The following DTL variants were observed in gnomAD, a reference collection of about 807,000 sequenced individuals.
DTL encodes the protein denticleless protein homolog.
In DTL, 46 loss-of-function variants were observed where a neutral mutation model predicts 87.0. The observed-to-expected ratio is 0.53, with a 90% CI of 0.42 to 0.68. DTL has a LOEUF of 0.68. Among genes scored for constraint, DTL ranks in the 30% least tolerant of loss-of-function variants. DTL has a pLI of 0.00. For synonymous variants in DTL, 308 were observed against 311.2 expected, an observed-to-expected ratio of 0.99 and a Z score of 0.11; for missense variants, 737 against 869.4, an observed-to-expected ratio of 0.85 and a Z score of 1.91.
Position 212,065,035 on chromosome 1 carries a change from G to T in DTL, c.639+6G>T. On this transcript the variant is annotated splice_donor_region_variant and intron_variant, in intron 7 of 14. Coordinates refer to ENST00000366991, the MANE Select transcript of DTL (RefSeq NM_016448.4). ...AAGGACTTGCTCCTTCTGTGGTAAG[G>T]TTTTACAGATGTATACATGTGTGCA... 1 of 1,595,122 alleles carries T rather than the reference G, an allele frequency of 6.3e-7. No individual in the cohort carries two copies. Among genetic ancestry groups the T allele is most frequent in the East Asian group, 2.2e-5 (1 of 44,756 alleles).
At chr1:212,073,668 C>T (rs1293986672) in intron 11 of DTL, among the ~76,000 whole-genome samples, 1 of 152,096 alleles carries the variant, frequency 6.6e-6, no homozygotes, top group East Asian at 1.9e-4. Flanking sequence ...TAAATAGTCA[C>T]AGGGTGGAAA....
intron 13 of DTL, among the ~76,000 whole-genome samples, chr1:212,093,157 C>T (rs968882986): frequency 2.0e-5 from 3 of 152,014 alleles, no homozygotes; most frequent in Non-Finnish European, 4.4e-5. Context: ...GCAGGGCGTG[C>T]GATGAGGGTG....
At chr1:212,055,214 A>G (rs569270176) in intron 5 of DTL, among the ~76,000 whole-genome samples, 97 of 149,928 alleles carry the variant, frequency 6.5e-4, no homozygotes, top group Non-Finnish European at 8.7e-4. Flanking sequence ...ATCAGCTAGG[A>G]ATCTGGAGAG....
At chr1:212,090,260 T>C (rs1413203992) in intron 13 of DTL, among the ~76,000 whole-genome samples, 2 of 152,166 alleles carry the variant, frequency 1.3e-5, no homozygotes, top group Non-Finnish European at 2.9e-5. Flanking sequence ...AGAATTTCTC[T>C]CTCTCAAGGC....
intron 13 of DTL, among the ~76,000 whole-genome samples, chr1:212,090,028 C>T (rs1206304474): frequency 1.3e-5 from 2 of 152,028 alleles, no homozygotes; most frequent in African/African-American, 4.8e-5. Context: ...ATGAAAACTT[C>T]CTTTTCTGCT....
rs142606122 is a variant in DTL, at chr1:212,100,856, G to A, written c.1866G>A (p.Pro622=). ...CTGGTACCAGTATCTCAGAGCCTCCGTCTCCTATCAGTCCGTATGCTTCAG... is the reference window on the plus strand; with the variant it reads ...CTGGTACCAGTATCTCAGAGCCTCCATCTCCTATCAGTCCGTATGCTTCAG... ...EGAGTSISEP[P]SPISPYASES... The change falls in exon 14 of 15, where the codon CCG becomes CCA. Residue 622 remains proline (P), a synonymous_variant. Transcript: ENST00000366991. The A allele has an allele frequency of 1.0e-4, 162 of 1,614,112 alleles. No individual in the cohort carries two copies. The African/African-American group carries it at 1.8e-3, about 18-fold the overall frequency.
intron 5 of DTL, among the ~76,000 whole-genome samples, chr1:212,060,758 A>G (rs968126228): frequency 5.9e-5 from 9 of 151,294 alleles, no homozygotes; most frequent in African/African-American, 2.2e-4. Flanking sequence ...AAAAATCAAG[A>G]TGGAGTATAA....
intron 13 of DTL, among the ~76,000 whole-genome samples, chr1:212,087,493 T>C (rs1308990152): frequency 2.7e-5 from 4 of 150,552 alleles, no homozygotes; most frequent in African/African-American, 9.8e-5. Context: ...GAGCTTGCAG[T>C]GAGTGGAGAT....
In DTL at chr1:212,100,274, T is replaced by A. The variant is rs1226493105; in HGVS notation, c.1284T>A (p.Ser428Arg). The stretch of plus-strand genomic sequence containing the variant: ...CAGTAACAGTAACGAGTAGCCAGAG[T>A]ACTCCTGCCAAAGCCCCCAGGGCAA... ...PGLVTVTSSQ[S>R]TPAKAPRAKC... The change falls in exon 14 of 15, where the codon AGT (serine) becomes AGA (arginine). Residue 428 changes from serine (S) to arginine (R), a missense_variant. Ser to Arg is a moderately radical substitution (Grantham distance 110). Coordinates refer to ENST00000366991, the MANE Select transcript of DTL (RefSeq NM_016448.4). 6.3e-7 allele frequency: 1 copy of A among 1,577,836 alleles called. No individual in the cohort carries two copies. Among genetic ancestry groups the A allele is most frequent in the South Asian group, 1.2e-5 (1 of 84,122 alleles).
intron 10 of DTL, among the ~76,000 whole-genome samples, chr1:212,071,017 A>G (rs1252352685): frequency 6.6e-6 from 1 of 152,212 alleles, no homozygotes; most frequent in African/African-American, 2.4e-5. Flanking sequence ...TTCAGAATAA[A>G]GGAGCTTGTT....
intron 1 of DTL, among the ~76,000 whole-genome samples, chr1:212,040,584 T>C (rs1667610302): frequency 6.6e-6 from 1 of 152,222 alleles, no homozygotes; most frequent in African/African-American, 2.4e-5. Flanking sequence ...TGAGATGATA[T>C]AATACCTACA....
intron 13 of DTL, among the ~76,000 whole-genome samples, chr1:212,096,905 G>A (rs1490775846): frequency 2.6e-5 from 4 of 152,258 alleles, no homozygotes; most frequent in African/African-American, 9.6e-5. Flanking sequence ...TTGTTCTAGG[G>A]TATAAGTCCA....
intron 5 of DTL, 142 bp downstream of exon 5, chr1:212,047,559 G>A: frequency 8.7e-7 from 1 of 1,154,754 alleles, no homozygotes; most frequent in South Asian, 1.5e-5. Context: ...TTTGGAGACA[G>A]TTTCGTTCTG....
chr1:212,073,660 A>C (rs183332517), intron 11 of DTL, among the ~76,000 whole-genome samples: 1 of 152,136 alleles, frequency 6.6e-6, no homozygotes, highest in African/African-American at 2.4e-5. Context: ...CAATATCCTA[A>C]ATAGTCACAG....
In DTL at chr1:212,084,784, A is replaced by G. The variant is rs75238084; in HGVS notation, c.1261+4034A>G. Among the ~76,000 whole-genome samples, 817 of 152,260 alleles carry G rather than the reference A, an allele frequency of 5.4e-3. 4 individuals carry two copies. The highest frequency in any genetic ancestry group is 0.019 in the African/African-American group (774 of 41,532). On this transcript the variant is annotated intron_variant, in intron 13 of 14. Coordinates refer to ENST00000366991, the MANE Select transcript of DTL (RefSeq NM_016448.4). Reference sequence around the variant, plus strand: ...CCACTATCAAACCTTCATACTCCTCATCCTCCTAACACAGGGTCATGATTT... The same window carrying G: ...CCACTATCAAACCTTCATACTCCTCGTCCTCCTAACACAGGGTCATGATTT...
chr1:212,066,751 C>A, intron 7 of DTL, 61 bp from the exon 8 acceptor site: 2 of 1,520,166 alleles, frequency 1.3e-6, no homozygotes, highest in South Asian at 1.2e-5. Flanking sequence ...GCACCTTGTT[C>A]CCTTGATGGT....
chr1:212,081,311 G>A (rs1033916427), intron 13 of DTL, among the ~76,000 whole-genome samples: 4 of 152,152 alleles, frequency 2.6e-5, no homozygotes, highest in Admixed American at 2.6e-4. Context: ...AAAGTACACA[G>A]GCCCTAAAGC....
intron 3 of DTL, among the ~76,000 whole-genome samples, chr1:212,045,154 C>G (rs1052483388): frequency 6.6e-6 from 1 of 152,156 alleles, no homozygotes; most frequent in African/African-American, 2.4e-5. Flanking sequence ...CCCCATGACC[C>G]AAATGCCTCC....
chr1:212,091,958 A>T lies in DTL; in HGVS notation c.1262-8294A>T, dbSNP rs549864736. On this transcript the variant is annotated intron_variant, in intron 13 of 14. Coordinates refer to ENST00000366991, the MANE Select transcript of DTL (RefSeq NM_016448.4). ...ATTACGAAATAGTATATATATAGTG[A>T]TCTCTCCTTTTTTAAAAAATTTCAA... Among the ~76,000 whole-genome samples, 12 of 152,316 alleles carry T rather than the reference A, an allele frequency of 7.9e-5. No homozygotes were observed. The South Asian group carries it at 1.4e-3, about 18-fold the overall frequency.
Sources: gnomAD v4.1 joint callset for allele counts (sites outside exome capture counted in the v4.1 genomes callset) on GRCh38, gnomAD v4.1.1 for gene constraint, MANE v1.5 for transcripts, NCBI Gene and HGNC (gene_info 2026-07-23, HGNC 2026-07-21) for gene names.